Variants in GLB1 observed in about 807,000 individuals in gnomAD.
GLB1 encodes beta-galactosidase.
Under a neutral mutation model 74.0 loss-of-function variants are expected in GLB1, and 56 were observed. The observed-to-expected ratio is 0.76, with a 90% CI of 0.61 to 0.94. The LOEUF (loss-of-function observed/expected upper bound fraction) is 0.94, where lower values mean the gene tolerates loss of function less well. Ranked by LOEUF, GLB1 falls within the 40% of genes least tolerant of loss-of-function variation. GLB1 has a pLI of 0.00. For synonymous variants in GLB1, 323 were observed against 323.6 expected, an observed-to-expected ratio of 1.00 and a Z score of 0.02; for missense variants, 787 against 845.5, an observed-to-expected ratio of 0.93 and a Z score of 0.86.
At chr3:33,064,668 A>G (rs1216669257) in intron 5 of GLB1, among the ~76,000 whole-genome samples, 1 of 139,862 alleles carries the variant, frequency 7.1e-6, no homozygotes, top group Non-Finnish European at 1.5e-5. Context: ...TCCCAGCTAC[A>G]TGGGAGGCTG....
At chr3:33,054,201 A>G (rs1432230933) in intron 6 of GLB1, among the ~76,000 whole-genome samples, 1 of 152,128 alleles carries the variant, frequency 6.6e-6, no homozygotes, top group Non-Finnish European at 1.5e-5. Flanking sequence ...TAGAACTGTG[A>G]GCAATAAATT....
At chr3:33,042,796 G>A (rs1261668272) in intron 10 of GLB1, among the ~76,000 whole-genome samples, 2 of 152,210 alleles carry the variant, frequency 1.3e-5, no homozygotes, top group Admixed American at 6.5e-5. Context: ...TTGTCCAGGC[G>A]GAGATATGCC....
chr3:32,980,225 A>AT, the GLB1 span, among the ~76,000 whole-genome samples: 259 of 152,120 alleles, frequency 1.7e-3, 1 homozygote, highest in African/African-American at 5.6e-3. Context: ...CCTTACTTAA[A>AT]TTTTTTTTAA....
chr3:33,013,483 T>C (rs547392304), intron 15 of GLB1, among the ~76,000 whole-genome samples: 2 of 152,106 alleles, frequency 1.3e-5, no homozygotes, highest in Admixed American at 6.6e-5. Flanking sequence ...GAATGAGTGA[T>C]GGTAAGGTGA....
At chr3:33,092,014 T>G (rs1191292177) in intron 1 of GLB1, 1 of 984,802 alleles carries the variant, frequency 1.0e-6, no homozygotes, top group Non-Finnish European at 1.2e-6. Context: ...TGCCTTGGTT[T>G]CCTTATCTCC....
At chr3:33,072,482 T>A in intron 2 of GLB1, 62 bp downstream of exon 2, 1 of 1,607,574 alleles carries the variant, frequency 6.2e-7, no homozygotes, top group Non-Finnish European at 8.5e-7. Flanking sequence ...GAAATACAGT[T>A]GTATCTTCTC....
At chr3:33,029,173 G>T (rs1387408304) in intron 10 of GLB1, among the ~76,000 whole-genome samples, 1 of 152,064 alleles carries the variant, frequency 6.6e-6, no homozygotes, top group Non-Finnish European at 1.5e-5. Flanking sequence ...TTTCAGAAAA[G>T]AAATGAACAA....
chr3:33,045,513 T>A, intron 10 of GLB1: 7 of 988,292 alleles, frequency 7.1e-6, no homozygotes, highest in Non-Finnish European at 8.4e-6. Flanking sequence ...GTTTATCTTC[T>A]TCTCTCTTGC....
At chr3:33,081,421 G>A (rs1700319323) in intron 1 of GLB1, among the ~76,000 whole-genome samples, 1 of 152,156 alleles carries the variant, frequency 6.6e-6, no homozygotes, top group African/African-American at 2.4e-5. Context: ...CAGGAAATGA[G>A]GTGAGGATGC....
chr3:33,051,622 A>G, intron 9 of GLB1, 136 bp downstream of exon 9: 1 of 1,258,506 alleles, frequency 7.9e-7, no homozygotes. Flanking sequence ...AAAAAAAAGA[A>G]AAAGAAAAAA....
chr3:33,059,293 A>G (rs1699352125), intron 5 of GLB1, among the ~76,000 whole-genome samples: 1 of 147,102 alleles, frequency 6.8e-6, no homozygotes, highest in South Asian at 2.1e-4. Context: ...ACACACACAG[A>G]GCAAATAAAC....
At chr3:33,042,584 G>C (rs1410463720) in intron 10 of GLB1, among the ~76,000 whole-genome samples, 7 of 151,956 alleles carry the variant, frequency 4.6e-5, no homozygotes, top group African/African-American at 1.7e-4. Flanking sequence ...AGCCAGGATG[G>C]TCTCGATCTC....
At chr3:33,056,859 T>C (rs1699243776) in intron 6 of GLB1, among the ~76,000 whole-genome samples, 1 of 152,252 alleles carries the variant, frequency 6.6e-6, no homozygotes, top group African/African-American at 2.4e-5. Context: ...GAAATTATAC[T>C]GATACAGTAC....
chr3:33,034,486 T>C lies in GLB1; in HGVS notation c.1069-10161A>G, dbSNP rs549138859. The stretch of plus-strand genomic sequence containing the variant: ...GAAGCTGGAAGCACAGTGACTGGGT[T>C]TGAGATGTGGCCTGGGCCCCCTCCA... On this transcript the variant is annotated intron_variant, in intron 10 of 15. Transcript: ENST00000307363. The C allele has an allele frequency of 1.1e-4, 82 of 733,384 alleles. 1 individual carries two copies. The African/African-American group carries it at 1.2e-3, about 11-fold the overall frequency. The allele number at this position is 733,384 out of a possible 1,614,324, so 45.4% of individuals were successfully genotyped here.
chr3:32,985,805 A>G, the GLB1 span, among the ~76,000 whole-genome samples: 3 of 152,098 alleles, frequency 2.0e-5, no homozygotes, highest in Non-Finnish European at 4.4e-5. Context: ...TCCCGGCTTC[A>G]AGCGATTGTC....
chr3:32,994,824 G>A (rs890862093), downstream of GLB1, among the ~76,000 whole-genome samples: 5 of 151,862 alleles, frequency 3.3e-5, no homozygotes, highest in African/African-American at 7.3e-5. Flanking sequence ...TGGAGGCTGA[G>A]GCAGGAGAAT....
At chr3:32,967,056 C>T in the GLB1 span, among the ~76,000 whole-genome samples, 2 of 152,086 alleles carry the variant, frequency 1.3e-5, no homozygotes, top group Non-Finnish European at 2.9e-5. Context: ...TGCTTTCTCC[C>T]CAGGATCAGG....
the GLB1 span, among the ~76,000 whole-genome samples, chr3:32,990,997 C>T: frequency 7.4e-4 from 112 of 151,992 alleles, 1 homozygote; most frequent in African/African-American, 2.4e-3. Flanking sequence ...TAATAATAAT[C>T]GTATTGCTTA....
chr3:33,003,152 T>C (rs1286587657), intron 15 of GLB1, among the ~76,000 whole-genome samples: 1 of 152,252 alleles, frequency 6.6e-6, no homozygotes, highest in Non-Finnish European at 1.5e-5. Flanking sequence ...GGTTTCTCTA[T>C]ATTTTGGGAC....
Sources: allele counts gnomAD v4.1 joint callset (sites outside exome capture counted in the v4.1 genomes callset), GRCh38; gene constraint gnomAD v4.1.1; transcripts MANE v1.5; gene names NCBI Gene and HGNC (gene_info 2026-07-23, HGNC 2026-07-21).